The following IGFBPL1 variants were observed in gnomAD, a reference collection of about 807,000 sequenced individuals.
IGFBPL1 encodes insulin-like growth factor-binding protein-like 1.
In IGFBPL1, 20 loss-of-function variants were observed where a neutral mutation model predicts 23.9. The ratio of observed to expected loss-of-function variants is 0.84; its 90% CI spans 0.59 to 1.22. The LOEUF (loss-of-function observed/expected upper bound fraction) is 1.22, where lower values mean the gene tolerates loss of function less well. Among genes scored for constraint, IGFBPL1 ranks in the 50% most tolerant of loss-of-function variants. The pLI is 0.00. For missense variants in IGFBPL1, 436 were observed against 379.3 expected, an observed-to-expected ratio of 1.15 and a Z score of -1.24; for synonymous variants, 184 against 171.8, an observed-to-expected ratio of 1.07 and a Z score of -0.56.
intron 1 of IGFBPL1, among the ~76,000 whole-genome samples, chr9:38,414,900 GT>G (rs961347910): frequency 1.3e-5 from 2 of 152,170 alleles, no homozygotes; most frequent in African/African-American, 2.4e-5. Context: ...AGTGTTAGAT[GT>G]TTCAAACTCC....
intron 1 of IGFBPL1, among the ~76,000 whole-genome samples, chr9:38,419,175 A>T (rs1186421488): frequency 6.6e-6 from 1 of 152,138 alleles, no homozygotes; most frequent in African/African-American, 2.4e-5. Flanking sequence ...TTTAAAGTTA[A>T]TGGTGCTAGG....
rs559553447 is a variant in IGFBPL1, at chr9:38,411,465, C to T, written c.772G>A (p.Val258Met). The part of the protein sequence containing the change: ...MVGEAESHST[V>M]TVLDLSKYRS... ...TATTTACTCAGATCTAGAACCGTCACTGTGCTGTGGGACTCAGCCTCTCCC... is the reference window on the plus strand; with the variant it reads ...TATTTACTCAGATCTAGAACCGTCATTGTGCTGTGGGACTCAGCCTCTCCC... The change falls in exon 4 of 5, where the codon GTG (valine) becomes ATG (methionine). Residue 258 changes from valine to methionine, a missense_variant. Val to Met is a conservative substitution (Grantham distance 21, BLOSUM62 1). Coordinates refer to ENST00000377694, the MANE Select transcript of IGFBPL1 (RefSeq NM_001007563.3). The T allele has an allele frequency of 6.2e-7, 1 of 1,614,014 alleles. No homozygotes were observed. Among genetic ancestry groups the T allele is most frequent in the Non-Finnish European group, 8.5e-7 (1 of 1,179,964 alleles).
chr9:38,414,033 TCACACACACACACACA>T (rs3045140), intron 2 of IGFBPL1, 45 bp downstream of exon 2: 5 of 761,122 alleles, frequency 6.6e-6, no homozygotes, highest in South Asian at 3.1e-5. Flanking sequence ...TCCCTCTTTC[TCACACACACACACACA>T]CACACACACA....
intron 1 of IGFBPL1, among the ~76,000 whole-genome samples, chr9:38,422,062 G>A (rs1821688374): frequency 6.6e-6 from 1 of 152,170 alleles, no homozygotes; most frequent in Non-Finnish European, 1.5e-5. Context: ...AATTTTCAGT[G>A]AATTAGGGGT....
intron 1 of IGFBPL1, among the ~76,000 whole-genome samples, chr9:38,422,546 A>G (rs1473342261): frequency 6.6e-6 from 1 of 152,212 alleles, no homozygotes; most frequent in African/African-American, 2.4e-5. Flanking sequence ...GCGGAAACCA[A>G]CTGTTCCGAG....
intron 1 of IGFBPL1, among the ~76,000 whole-genome samples, chr9:38,421,645 G>C (rs1032170885): frequency 2.0e-5 from 3 of 152,108 alleles, no homozygotes; most frequent in Non-Finnish European, 4.4e-5. Context: ...TCCTTCAACC[G>C]GGATCCCCAG....
chr9:38,424,384 A>G lies in IGFBPL1; in HGVS notation c.41T>C (p.Leu14Pro). 2 of 654,480 alleles carry G rather than the reference A, an allele frequency of 3.1e-6. No individual in the cohort carries two copies. The highest frequency in any genetic ancestry group is 1.9e-5 in the African/African-American group (1 of 52,476). The allele number at this position is 654,480 out of a possible 1,614,324, so 40.5% of individuals were successfully genotyped here. A position where few individuals can be genotyped will look rare whatever the true frequency, so the allele number is the denominator to read the frequency against. ...LSLLLPLLLL[L>P]LLPLLPPLSP... Reference sequence around the variant, plus strand: ...CAGCGGCGGCAGCAGCGGCAGCAGCAGCAGAAGCAGCAGCGGCAAGAGCAG... The same window carrying G: ...CAGCGGCGGCAGCAGCGGCAGCAGCGGCAGAAGCAGCAGCGGCAAGAGCAG... The change falls in exon 1 of 5, where the codon CTG becomes CCG. Residue 14 changes from leucine (L) to proline (P), a missense_variant. Transcript: ENST00000377694.
intron 1 of IGFBPL1, among the ~76,000 whole-genome samples, chr9:38,418,980 C>A (rs1021109360): frequency 6.6e-6 from 1 of 152,100 alleles, no homozygotes; most frequent in Non-Finnish European, 1.5e-5. Context: ...ATGACCGCAG[C>A]CTCGCATCCT....
rs772348578 is a variant in IGFBPL1, at chr9:38,411,480, C to T, written c.757G>A (p.Glu253Lys). The T allele has an allele frequency of 6.2e-7, 1 of 1,613,800 alleles. No homozygotes were observed. The highest frequency in any genetic ancestry group is 8.5e-7 in the Non-Finnish European group (1 of 1,179,664). The change falls in exon 4 of 5, where the codon GAG (glutamate) becomes AAG (lysine). Residue 253 changes from glutamate to lysine, a missense_variant. Transcript: ENST00000377694. ...CHAANMVGEA[E>K]SHSTVTVLDL... The stretch of plus-strand genomic sequence containing the variant: ...AGAACCGTCACTGTGCTGTGGGACT[C>T]AGCCTCTCCCACCATGTTGGCTGCA...
chr9:38,424,011 C>A lies in IGFBPL1; in HGVS notation c.414G>T (p.Ala138=). 1 of 1,407,730 alleles carries A rather than the reference C, an allele frequency of 7.1e-7. No individual in the cohort carries two copies. Among genetic ancestry groups the A allele is most frequent in the South Asian group, 1.5e-5 (1 of 64,884 alleles). 87.2% of individuals were successfully genotyped at this position (1,407,730 alleles called of 1,614,324 possible). Residue 138 remains alanine, a synonymous_variant, in exon 1 of 5, where the codon GCG becomes GCT. Coordinates refer to ENST00000377694, the MANE Select transcript of IGFBPL1 (RefSeq NM_001007563.3). ...LRLRARHTPR[A]HPGHLHKARD... The stretch of plus-strand genomic sequence containing the variant: ...GCGCCTTGTGCAGGTGACCGGGGTG[C>A]GCGCGGGGCGTGTGCCGAGCGCGCA...
chr9:38,419,863 C>CCCTCCTCCT (rs71363990), intron 1 of IGFBPL1, among the ~76,000 whole-genome samples: 1 of 145,974 alleles, frequency 6.9e-6, no homozygotes, highest in Non-Finnish European at 1.5e-5. Flanking sequence ...CTCCTCCTCC[C>CCCTCCTCCT]CCTCCTCCTC....
chr9:38,420,694 A>G (rs533497504), intron 1 of IGFBPL1, among the ~76,000 whole-genome samples: 3 of 152,248 alleles, frequency 2.0e-5, no homozygotes, highest in East Asian at 1.9e-4. Flanking sequence ...AAAATTAGCC[A>G]GGCGTGGTGG....
At chr9:38,423,842 C>T in intron 1 of IGFBPL1, 123 bp downstream of exon 1, 1 of 962,428 alleles carries the variant, frequency 1.0e-6, no homozygotes, top group Non-Finnish European at 1.4e-6. Context: ...AATACTGCTC[C>T]CTAAGGGGAA....
At position 38,408,137 on chromosome 9, in the gene IGFBPL1, A is replaced by G. The variant is rs945999068; in HGVS notation, c.*1090T>C. ...GTTTAGAGAATGCTAGGCTAGGCCA[A>G]GCACAGTGGCTGATGCCTATAATCC... On this transcript the variant is annotated 3_prime_UTR_variant, in exon 5 of 5. Transcript: ENST00000377694. 4.0e-5 allele frequency among the ~76,000 whole-genome samples: 6 copies of G among 151,728 alleles called. No individual in the cohort carries two copies. Among genetic ancestry groups the G allele is most frequent in the Non-Finnish European group, 7.4e-5 (5 of 67,946 alleles).
At chr9:38,411,045 G>A (rs182161922) in intron 4 of IGFBPL1, among the ~76,000 whole-genome samples, 3 of 152,138 alleles carry the variant, frequency 2.0e-5, no homozygotes, top group Non-Finnish European at 2.9e-5. Context: ...TTTTCACATG[G>A]ACGCTGTCAC....
At chr9:38,409,866 ATTCT>A (rs1411230194) in intron 4 of IGFBPL1, among the ~76,000 whole-genome samples, 1 of 151,878 alleles carries the variant, frequency 6.6e-6, no homozygotes, top group East Asian at 1.9e-4. Context: ...CTCCTCGATG[ATTCT>A]TCCTTCATTT....
intron 1 of IGFBPL1, among the ~76,000 whole-genome samples, chr9:38,423,326 TTA>T (rs939205611): frequency 1.1e-4 from 16 of 152,156 alleles, no homozygotes; most frequent in Non-Finnish European, 2.2e-4. Context: ...ACTCTCCAAA[TTA>T]TATATGTTTT....
chr9:38,411,342 TATCTC>T, intron 4 of IGFBPL1, 44 bp downstream of exon 4: 4 of 1,507,174 alleles, frequency 2.7e-6, no homozygotes, highest in Non-Finnish European at 3.6e-6. Context: ...CCACCTCAAA[TATCTC>T]ATAACATGGG....
In IGFBPL1 at chr9:38,424,262, G is replaced by T. The variant is rs1455362721; in HGVS notation, c.163C>A (p.Pro55Thr). Residue 55 changes from proline to threonine, a missense_variant, in exon 1 of 5, where the codon CCC becomes ACC. Physicochemically the swap from Pro to Thr is conservative, Grantham distance 38. Transcript: ENST00000377694. ...GCPAPAPCPA[P>T]GISALDECGC... ...CACTCGTCGAGCGCCGAGATCCCGG[G>T]CGCCGGGCAGGGCGCAGGCGCCGGG... 3 of 1,226,554 alleles carry T rather than the reference G, an allele frequency of 2.4e-6. No individual in the cohort carries two copies. Among genetic ancestry groups the T allele is most frequent in the Non-Finnish European group, 3.0e-6 (3 of 983,786 alleles). 76.0% of individuals were successfully genotyped at this position (1,226,554 alleles called of 1,614,324 possible).
Sources: allele counts gnomAD v4.1 joint callset (sites outside exome capture counted in the v4.1 genomes callset), GRCh38; gene constraint gnomAD v4.1.1; transcripts MANE v1.5; gene names NCBI Gene and HGNC (gene_info 2026-07-23, HGNC 2026-07-21).